Variants in NEK11 observed in about 807,000 individuals in gnomAD.
The protein encoded by NEK11 is serine/threonine-protein kinase Nek11.
NEK11 carries 72 observed loss-of-function variants against 80.7 expected under a neutral mutation model. The observed-to-expected ratio is 0.89, with a 90% CI of 0.74 to 1.08. NEK11 has a LOEUF of 1.08. NEK11 is among the 50% of genes least tolerant of loss of function. NEK11 has a pLI of 0.00. For synonymous variants in NEK11, 251 were observed against 260.7 expected, an observed-to-expected ratio of 0.96 and a Z score of 0.36; for missense variants, 764 against 763.6, an observed-to-expected ratio of 1.00 and a Z score of -0.01.
intron 3 of NEK11, among the ~76,000 whole-genome samples, chr3:131,075,205 C>T (rs2074142556): frequency 6.6e-6 from 1 of 152,134 alleles, no homozygotes; most frequent in African/African-American, 2.4e-5. Flanking sequence ...CCCGAATGAG[C>T]TAGTTCCACG....
intron 4 of NEK11, among the ~76,000 whole-genome samples, chr3:131,108,188 T>G (rs2079499285): frequency 6.6e-6 from 1 of 152,122 alleles, no homozygotes; most frequent in Non-Finnish European, 1.5e-5. Context: ...TAAGCAAATA[T>G]TTGCACATTG....
intron 5 of NEK11, among the ~76,000 whole-genome samples, chr3:131,115,937 T>C (rs907501124): frequency 8.4e-6 from 1 of 119,408 alleles, no homozygotes; most frequent in African/African-American, 3.3e-5. Flanking sequence ...TTTCTTTCTT[T>C]CTTTCTTTCT....
intron 17 of NEK11, among the ~76,000 whole-genome samples, chr3:131,291,355 A>T (rs546500721): frequency 4.6e-5 from 7 of 152,276 alleles, no homozygotes; most frequent in African/African-American, 1.7e-4. Flanking sequence ...GTTGCTTCCA[A>T]GTTTTGACAA....
At chr3:131,281,181 A>G (rs1332342149) in intron 17 of NEK11, among the ~76,000 whole-genome samples, 1 of 152,210 alleles carries the variant, frequency 6.6e-6, no homozygotes, top group Non-Finnish European at 1.5e-5. Flanking sequence ...TTAATTATGT[A>G]ACATGTTTCC....
intron 17 of NEK11, among the ~76,000 whole-genome samples, chr3:131,310,936 C>T (rs1428533450): frequency 1.3e-5 from 2 of 152,198 alleles, no homozygotes; most frequent in East Asian, 1.9e-4. Flanking sequence ...CATCATAGAC[C>T]TCCTTCCTAA....
chr3:131,272,463 C>CTTTTTTTTTTTTTTTTTTTTTTTTTTTTT lies in NEK11; in HGVS notation c.1622-1013_1622-985dup, dbSNP rs869304359. Among the ~76,000 whole-genome samples, 6 of 43,900 alleles carry CTTTTTTTTTTTTTTTTTTTTTTTTTTTTT rather than the reference C, an allele frequency of 1.4e-4. 1 individual carries two copies. The highest frequency in any genetic ancestry group is 1.8e-4 in the African/African-American group (2 of 11,042). The allele number at this position is 43,900 out of a possible 152,430, so 28.8% of individuals were successfully genotyped here. On this transcript the variant is annotated intron_variant, in intron 16 of 17. Transcript: ENST00000383366. The stretch of plus-strand genomic sequence containing the variant: ...CTTGCTAATGGGCCAGTTTTAGCTT[C>CTTTTTTTTTTTTTTTTTTTTTTTTTTTTT]TTTTTTTTTTTTTTTTTTTTTTTTT...
In NEK11 at chr3:131,287,059, T is replaced by G. The variant is rs114290242; in HGVS notation, c.1718+13485T>G. 3.2e-3 allele frequency among the ~76,000 whole-genome samples: 494 copies of G among 152,272 alleles called. 1 individual carries two copies. The highest frequency in any genetic ancestry group is 0.011 in the African/African-American group (465 of 41,552). Reference sequence around the variant, plus strand: ...GAGCCCTAGTATTGCCCACTCCATATGAAATAGCAGTTTTTTTCTGTCCAT... The same window carrying G: ...GAGCCCTAGTATTGCCCACTCCATAGGAAATAGCAGTTTTTTTCTGTCCAT... On this transcript the variant is annotated intron_variant, in intron 17 of 17. Transcript: ENST00000383366.
intron 4 of NEK11, chr3:131,093,074 T>TA (rs1240776188): frequency 6.6e-6 from 1 of 152,164 alleles, no homozygotes; most frequent in Non-Finnish European, 1.5e-5. Flanking sequence ...TGCCCACACA[T>TA]ATGGTTGATC....
chr3:131,148,218 C>A (rs1249887639), intron 7 of NEK11, among the ~76,000 whole-genome samples: 1 of 151,792 alleles, frequency 6.6e-6, no homozygotes, highest in Non-Finnish European at 1.5e-5. Flanking sequence ...GAAATAAAAT[C>A]TACATGGTCA....
At chr3:131,181,314 G>A (rs114056894) in intron 14 of NEK11, among the ~76,000 whole-genome samples, 2,015 of 152,282 alleles carry the variant, frequency 0.013, 40 homozygotes, top group African/African-American at 0.045. Flanking sequence ...AAGGAAAGCA[G>A]GTGACCTTTA....
At chr3:131,334,361 A>T (rs1443570759) in intron 17 of NEK11, among the ~76,000 whole-genome samples, 1 of 152,140 alleles carries the variant, frequency 6.6e-6, no homozygotes, top group African/African-American at 2.4e-5. Flanking sequence ...CTGCTCCTGA[A>T]TGACTACTGG....
intron 3 of NEK11, among the ~76,000 whole-genome samples, chr3:131,079,059 T>C (rs1349297060): frequency 6.6e-6 from 1 of 152,218 alleles, no homozygotes; most frequent in Non-Finnish European, 1.5e-5. Flanking sequence ...TTGCAACTTT[T>C]TATTTTCAAG....
At chr3:131,046,528 C>G (rs1007802149) in intron 3 of NEK11, among the ~76,000 whole-genome samples, 1 of 150,536 alleles carries the variant, frequency 6.6e-6, no homozygotes, top group African/African-American at 2.4e-5. Flanking sequence ...CCTCACAGCT[C>G]TTTTTTTCCC....
At chr3:131,309,138 C>T (rs2096752242) in intron 17 of NEK11, among the ~76,000 whole-genome samples, 1 of 152,160 alleles carries the variant, frequency 6.6e-6, no homozygotes, top group East Asian at 1.9e-4. Flanking sequence ...TGCTCGAACG[C>T]ACTAGGTGAA....
chr3:131,187,233 T>C (rs1451068553), intron 14 of NEK11, among the ~76,000 whole-genome samples: 1 of 152,220 alleles, frequency 6.6e-6, no homozygotes, highest in East Asian at 1.9e-4. Flanking sequence ...TTTCAAGTGC[T>C]TAATAATTAC....
chr3:131,124,735 C>T (rs572713375), intron 5 of NEK11, among the ~76,000 whole-genome samples: 3 of 152,274 alleles, frequency 2.0e-5, no homozygotes, highest in South Asian at 4.1e-4. Context: ...CAGCAACATA[C>T]TCATGTACAG....
At chr3:131,272,575 A>C (rs1695565226) in intron 16 of NEK11, among the ~76,000 whole-genome samples, 1 of 143,176 alleles carries the variant, frequency 7.0e-6, no homozygotes, top group African/African-American at 2.6e-5. Context: ...TCCCAAGTTC[A>C]AGTGATTCTC....
At chr3:131,031,250 G>T (rs573767991) in intron 3 of NEK11, among the ~76,000 whole-genome samples, 3 of 152,302 alleles carry the variant, frequency 2.0e-5, no homozygotes, top group South Asian at 2.1e-4. Flanking sequence ...CTACATGAGG[G>T]ATGATAAAAG....
intron 14 of NEK11, among the ~76,000 whole-genome samples, chr3:131,176,672 G>T (rs1323620196): frequency 3.3e-5 from 5 of 152,146 alleles, no homozygotes; most frequent in Non-Finnish European, 4.4e-5. Context: ...TAAGCTGGGT[G>T]CTGTCTAACA....
Sources: allele counts gnomAD v4.1 joint callset (sites outside exome capture counted in the v4.1 genomes callset), GRCh38; gene constraint gnomAD v4.1.1; transcripts MANE v1.5; gene names NCBI Gene and HGNC (gene_info 2026-07-23, HGNC 2026-07-21).